CLEC16A: variants seen among roughly 807,000 people sequenced by gnomAD.
The protein encoded by CLEC16A is C-type lectin domain containing 16A.
A neutral mutation model predicts 109.5 loss-of-function variants in CLEC16A; 51 were observed. That is an observed-to-expected ratio of 0.47 (90% CI 0.37 to 0.59). CLEC16A has a LOEUF of 0.59. CLEC16A is among the 20% of genes least tolerant of loss of function. The probability of loss-of-function intolerance (pLI) is 0.00; values close to 1 mark genes in which losing one functional copy is unlikely to be tolerated. For synonymous variants in CLEC16A, 673 were observed against 564.2 expected, an observed-to-expected ratio of 1.19 and a Z score of -2.73; for missense variants, 1,339 against 1,394.0, an observed-to-expected ratio of 0.96 and a Z score of 0.63.
Position 10,954,524 on chromosome 16 carries a change from CA to C in CLEC16A, c.81-3254del, listed in dbSNP as rs2041896412. ...GTTATCTGTTATCTCCCAACACCAC[CA>C]AAATAGGTAGATACTAAAGTATTCA... On this transcript the variant is annotated intron_variant, in intron 1 of 23. Transcript: ENST00000409790. The surrounding 1 kb of genome is among the most constrained non-coding windows in gnomAD (Gnocchi z 4.2). Among the ~76,000 whole-genome samples the C allele has an allele frequency of 6.6e-6, 1 of 152,148 alleles. No individual in the cohort carries two copies. The highest frequency in any genetic ancestry group is 2.1e-4 in the South Asian group (1 of 4,826).
At chr16:10,947,230 T>G (rs1050902848) in intron 1 of CLEC16A, among the ~76,000 whole-genome samples, 6 of 152,160 alleles carry the variant, frequency 3.9e-5, no homozygotes, top group African/African-American at 9.7e-5. Context: ...CCCAGTGACT[T>G]GGAAAAGAGT....
Position 11,087,547 on chromosome 16 carries a change from G to A in CLEC16A, c.2116+26525G>A, listed in dbSNP as rs1367984995. On this transcript the variant is annotated intron_variant, in intron 19 of 23. Transcript: ENST00000409790. ...TGCTTGGCAGACCATTGGTTTAGAA[G>A]GCTGGGTTAAGCCCTGTGTTTGAGT... Among the ~76,000 whole-genome samples the A allele has an allele frequency of 2.6e-5, 4 of 152,226 alleles. No homozygotes were observed. The East Asian group carries it at 7.7e-4, about 29-fold the overall frequency.
At chr16:11,119,044 C>G (rs2052210144) in intron 19 of CLEC16A, among the ~76,000 whole-genome samples, 1 of 152,192 alleles carries the variant, frequency 6.6e-6, no homozygotes, top group Non-Finnish European at 1.5e-5. Flanking sequence ...TTCTGTCACC[C>G]AGGCTGAAGT....
intron 12 of CLEC16A, among the ~76,000 whole-genome samples, chr16:11,023,899 C>T (rs977220638): frequency 2.6e-5 from 4 of 152,222 alleles, no homozygotes; most frequent in African/African-American, 9.6e-5. Context: ...GCCTGTGGGC[C>T]AGACCTGTGC....
At chr16:11,036,153 AC>A (rs1009040767) in intron 13 of CLEC16A, 5 of 152,452 alleles carry the variant, frequency 3.3e-5, no homozygotes, top group Admixed American at 1.3e-4. Flanking sequence ...GGGGAATGGA[AC>A]CACCCCAGTC....
intron 1 of CLEC16A, among the ~76,000 whole-genome samples, chr16:10,952,123 C>T (rs531311753): frequency 1.3e-5 from 2 of 152,350 alleles, no homozygotes; most frequent in East Asian, 3.9e-4. Flanking sequence ...CTAGGCACCA[C>T]GGTTGCCGTT....
intron 22 of CLEC16A, 87 bp downstream of exon 22, chr16:11,126,233 C>T (rs999117054): frequency 6.3e-7 from 1 of 1,582,004 alleles, no homozygotes; most frequent in African/African-American, 1.3e-5. Flanking sequence ...GTGTGAGCTG[C>T]CCTTCCTCTC....
chr16:11,161,846 C>T (rs2054732308), intron 22 of CLEC16A, among the ~76,000 whole-genome samples: 1 of 152,226 alleles, frequency 6.6e-6, no homozygotes, highest in African/African-American at 2.4e-5. Flanking sequence ...CCAACAAACA[C>T]ACATATAACA....
intron 17 of CLEC16A, among the ~76,000 whole-genome samples, chr16:11,051,078 C>T (rs1432688357): frequency 6.6e-6 from 1 of 152,170 alleles, no homozygotes; most frequent in Non-Finnish European, 1.5e-5. Context: ...GGAATCAGCT[C>T]TCGTTAAACG....
chr16:11,042,257 G>A lies in CLEC16A; in HGVS notation c.1664G>A (p.Gly555Glu). The A allele has an allele frequency of 6.3e-7, 1 of 1,576,070 alleles. No individual in the cohort carries two copies. The highest frequency in any genetic ancestry group is 8.6e-7 in the Non-Finnish European group (1 of 1,160,918). Residue 555 changes from glycine to glutamate, a missense_variant, in exon 15 of 24, where the codon GGG (glycine) becomes GAG (glutamate). By Grantham distance (98) the Gly-to-Glu change is moderately conservative. Around this residue, in one of 3 missense-constraint regions of CLEC16A, gnomAD observed 1,061 missense variants for 1,006.8 expected, o/e 1.05. Coordinates refer to ENST00000409790, the MANE Select transcript of CLEC16A (RefSeq NM_015226.3). ...RIMNNAAQPD[G>E]KIRLATLELS... ...CTTACCCTGGTGTGCTCTGCAGATG[G>A]GAAGATCCGGCTGGCGACGCTGGAG...
chr16:11,137,037 C>T (rs902094168), intron 22 of CLEC16A, among the ~76,000 whole-genome samples: 2 of 152,148 alleles, frequency 1.3e-5, no homozygotes, highest in African/African-American at 4.8e-5. Context: ...CTTTGGGAAC[C>T]CCACATATTC....
chr16:11,089,125 T>C (rs1164831022), intron 19 of CLEC16A, among the ~76,000 whole-genome samples: 1 of 152,186 alleles, frequency 6.6e-6, no homozygotes, highest in Non-Finnish European at 1.5e-5. Flanking sequence ...AGCCTCGGGC[T>C]GTCTTGTTCA....
At chr16:11,133,074 T>A (rs1236874912) in intron 22 of CLEC16A, among the ~76,000 whole-genome samples, 1 of 152,184 alleles carries the variant, frequency 6.6e-6, no homozygotes, top group Non-Finnish European at 1.5e-5. Context: ...CTACTGGGTT[T>A]GGGGCTCCAG....
At chr16:10,958,903 C>G (rs557038420) in intron 2 of CLEC16A, among the ~76,000 whole-genome samples, 21 of 146,676 alleles carry the variant, frequency 1.4e-4, no homozygotes, top group Admixed American at 4.7e-4. Context: ...GACCATGTCT[C>G]AAAAAAAAAA....
At chr16:11,030,360 A>T (rs1369195451) in intron 13 of CLEC16A, among the ~76,000 whole-genome samples, 1 of 152,354 alleles carries the variant, frequency 6.6e-6, no homozygotes, top group African/African-American at 2.4e-5. Flanking sequence ...GTTTTCCAAG[A>T]TGCCTATATA....
At position 10,983,007 on chromosome 16, in the gene CLEC16A, C is replaced by T. The variant is rs201116446; in HGVS notation, c.1071+16C>T. On this transcript the variant is annotated intron_variant, in intron 10 of 23. Coordinates refer to ENST00000409790, the MANE Select transcript of CLEC16A (RefSeq NM_015226.3). The stretch of plus-strand genomic sequence containing the variant: ...GAGAAGTTCTGTAAGTCATTAGCTT[C>T]GGGACTGACCTTAACAGGAAACCAT... 389 of 1,351,832 alleles carry T rather than the reference C, an allele frequency of 2.9e-4. 1 individual carries two copies. In the South Asian group the frequency reaches 4.1e-3, roughly 14 times the overall value. 83.7% of individuals were successfully genotyped at this position (1,351,832 alleles called of 1,614,324 possible).
chr16:11,131,838 C>T (rs1249894931), intron 22 of CLEC16A, among the ~76,000 whole-genome samples: 1 of 152,230 alleles, frequency 6.6e-6, no homozygotes, highest in African/African-American at 2.4e-5. Context: ...CCTCGGCTCT[C>T]TGCAGATGAC....
intron 18 of CLEC16A, chr16:11,056,988 G>A (rs1179685670): frequency 6.6e-6 from 1 of 152,088 alleles, no homozygotes; most frequent in African/African-American, 2.4e-5. Context: ...AGACATTTTC[G>A]TTGCTTCCAG....
At chr16:11,082,175 A>G (rs2049760922) in intron 19 of CLEC16A, among the ~76,000 whole-genome samples, 1 of 152,236 alleles carries the variant, frequency 6.6e-6, no homozygotes, top group Non-Finnish European at 1.5e-5. Flanking sequence ...AACCCAAAAT[A>G]ACCTTAGAAA....
Sources: gnomAD v4.1 joint callset for allele counts (sites outside exome capture counted in the v4.1 genomes callset) on GRCh38, gnomAD v4.1.1 for gene constraint, gnomAD v4.1.1 regional missense constraint, Gnocchi (gnomAD v3.1) non-coding constraint, MANE v1.5 for transcripts, NCBI Gene and HGNC (gene_info 2026-07-23, HGNC 2026-07-21) for gene names.